The following METTL5 variants were observed in gnomAD, a reference collection of about 807,000 sequenced individuals.
METTL5 encodes methyltransferase 5, N6-adenosine, also known as rRNA N(6)-adenosine-methyltransferase METTL5.
In METTL5, 28 loss-of-function variants were observed where a neutral mutation model predicts 26.5. The observed-to-expected ratio is 1.06, with a 90% confidence interval of 0.78 to 1.45. The LOEUF (loss-of-function observed/expected upper bound fraction) is 1.45, where lower values mean the gene tolerates loss of function less well. METTL5 is among the 40% of genes most tolerant of loss of function. METTL5 has a pLI of 0.00. For missense variants in METTL5, 231 were observed against 249.9 expected (o/e 0.92, Z 0.51); for synonymous variants, 86 against 82.6 (o/e 1.04, Z -0.22).
intron 1 of METTL5, among the ~76,000 whole-genome samples, chr2:169,823,237 A>G (rs57156146): frequency 0.023 from 3,502 of 152,034 alleles, 127 homozygotes; most frequent in African/African-American, 0.079. Context: ...TTGGCCTCCC[A>G]AAGTGCTGGG....
intron 4 of METTL5, among the ~76,000 whole-genome samples, chr2:169,816,608 A>C (rs1269171785): frequency 6.6e-6 from 1 of 152,196 alleles, no homozygotes; most frequent in African/African-American, 2.4e-5. Flanking sequence ...TATATAGACC[A>C]ATGGAACAGA....
intron 5 of METTL5, chr2:169,813,127 CTT>C (rs34915689): frequency 3.4e-3 from 450 of 132,180 alleles, no homozygotes; most frequent in East Asian, 4.4e-3. Flanking sequence ...GTCTGAAATT[CTT>C]TTTTTTTTTT....
chr2:169,813,112 G>A lies in METTL5; in HGVS notation c.542-606C>T, dbSNP rs189760491. ...GCAGATTCTAGTTCAGTAGGTCTGG[G>A]TGGAGTCTGAAATTCTTTTTTTTTT... On this transcript the variant is annotated intron_variant, in intron 5 of 6. Transcript: ENST00000260953. The A allele has an allele frequency of 1.2e-3, 184 of 148,742 alleles. 2 individuals are homozygous for A. Among genetic ancestry groups the A allele is most frequent in the Admixed American group, 2.5e-3 (35 of 14,228 alleles). The allele number at this position is 148,742 out of a possible 1,614,324, so 9.2% of individuals were successfully genotyped here.
intron 2 of METTL5, 97 bp from the exon 3 acceptor site, chr2:169,821,370 T>G (rs2081582610): frequency 5.8e-6 from 5 of 862,476 alleles, no homozygotes; most frequent in Non-Finnish European, 8.8e-6. Context: ...CATATATCTT[T>G]TTAACCCAAT....
intron 4 of METTL5, among the ~76,000 whole-genome samples, chr2:169,818,448 C>CA (rs2081539719): frequency 6.6e-6 from 1 of 152,162 alleles, no homozygotes; most frequent in South Asian, 2.1e-4. Flanking sequence ...ATCATCAAAC[C>CA]TGAGGGTGTT....
At chr2:169,817,425 G>A (rs576098629) in intron 4 of METTL5, among the ~76,000 whole-genome samples, 1 of 152,254 alleles carries the variant, frequency 6.6e-6, no homozygotes, top group South Asian at 2.1e-4. Context: ...GCCATCCCAT[G>A]ACTGGGTATA....
chr2:169,812,752 TAA>T, intron 5 of METTL5: 1 of 376,184 alleles, frequency 2.7e-6, no homozygotes, highest in East Asian at 4.8e-5. Context: ...TTTAGAAGGA[TAA>T]ACAGTGGACG....
chr2:169,813,667 C>T (rs554780920), intron 5 of METTL5, among the ~76,000 whole-genome samples: 2 of 151,244 alleles, frequency 1.3e-5, no homozygotes, highest in South Asian at 4.2e-4. Context: ...CCAGCCTGAC[C>T]AACATTGTGA....
chr2:169,822,091 A>G, intron 1 of METTL5, 34 bp from the exon 2 acceptor site: 1 of 1,573,142 alleles, frequency 6.4e-7, no homozygotes, highest in Non-Finnish European at 8.6e-7. Context: ...TAAGTAAGCA[A>G]GCCGGTGACT....
Position 169,821,928 on chromosome 2 carries a change from T to C in METTL5, c.224+15A>G, listed in dbSNP as rs373534468. On this transcript the variant is annotated intron_variant, in intron 2 of 6. Coordinates refer to ENST00000260953, the MANE Select transcript of METTL5 (RefSeq NM_014168.4). Reference sequence around the variant, plus strand: ...AGCCACCCAATACCCAAATAGCATATATTGCATTACGTACCCTGCTCCTAA... The same window carrying C: ...AGCCACCCAATACCCAAATAGCATACATTGCATTACGTACCCTGCTCCTAA... 2.5e-6 allele frequency: 4 copies of C among 1,610,144 alleles called. No homozygotes were observed. In the African/African-American group the frequency reaches 5.4e-5, roughly 22 times the overall value.
intron 2 of METTL5, 86 bp downstream of exon 2, chr2:169,821,857 G>T: frequency 8.2e-7 from 1 of 1,216,904 alleles, no homozygotes. Flanking sequence ...ATTCTGTGGA[G>T]TCTCATAAAT....
intron 3 of METTL5, 75 bp from the exon 4 acceptor site, chr2:169,819,718 A>G: frequency 1.0e-6 from 1 of 968,702 alleles, no homozygotes; most frequent in Non-Finnish European, 1.6e-6. Flanking sequence ...ATTTAGAAAT[A>G]TTTTCTTCCA....
intron 2 of METTL5, 98 bp from the exon 3 acceptor site, chr2:169,821,371 T>C: frequency 3.5e-6 from 3 of 859,920 alleles, no homozygotes; most frequent in Non-Finnish European, 5.3e-6. Flanking sequence ...ATATATCTTT[T>C]TAACCCAATT....
At position 169,820,653 on chromosome 2, in the gene METTL5, T is replaced by C. The variant is rs375568446; in HGVS notation, c.406+439A>G. On this transcript the variant is annotated intron_variant, in intron 3 of 6. Transcript: ENST00000260953. ...GAAGAGTAATAACATCACTTAGCCTTGGTTTATTTAATGAAGAGTGATAAA... is the reference window on the plus strand; with the variant it reads ...GAAGAGTAATAACATCACTTAGCCTCGGTTTATTTAATGAAGAGTGATAAA... Among the ~76,000 whole-genome samples the C allele has an allele frequency of 2.2e-4, 34 of 152,348 alleles. No homozygotes were observed. The South Asian group carries it at 7.0e-3, about 32-fold the overall frequency.
chr2:169,824,477 C>T lies in METTL5; in HGVS notation c.109+12G>A. ...CGCCGAAAGCCGGGGCGTGGTGAAC[C>T]AGCCGCCCTACCTGCAATGTGCGGC... is the stretch of plus-strand genomic sequence containing the variant. On this transcript the variant is annotated intron_variant, in intron 1 of 6. Coordinates refer to ENST00000260953, the MANE Select transcript of METTL5 (RefSeq NM_014168.4). 5 of 1,603,984 alleles carry T rather than the reference C, an allele frequency of 3.1e-6. No individual in the cohort carries two copies. The highest frequency in any genetic ancestry group is 4.3e-6 in the Non-Finnish European group (5 of 1,170,814).
intron 5 of METTL5, 66 bp downstream of exon 5, chr2:169,815,411 A>G (rs2081491810): frequency 1.8e-6 from 2 of 1,126,022 alleles, no homozygotes; most frequent in Non-Finnish European, 2.6e-6. Context: ...CAGCACCTGC[A>G]TGAAAATTTT....
chr2:169,824,871 T>C lies in METTL5; in HGVS notation c.-274A>G, dbSNP rs1033288184. 5 of 242,296 alleles carry C rather than the reference T, an allele frequency of 2.1e-5. No individual in the cohort carries two copies. Among genetic ancestry groups the C allele is most frequent in the East Asian group, 8.6e-5 (1 of 11,608 alleles). The allele number at this position is 242,296 out of a possible 1,614,324, so 15.0% of individuals were successfully genotyped here. A position where few individuals can be genotyped will look rare whatever the true frequency, so the allele number is the denominator to read the frequency against. On this transcript the variant is annotated 5_prime_UTR_variant, in exon 1 of 7. Coordinates refer to ENST00000260953, the MANE Select transcript of METTL5 (RefSeq NM_014168.4). ...CCCTCGCGCCACGACCACGCACCTCTGGAGGCGACCCGCACCTCGGCCGGT... is the reference window on the plus strand; with the variant it reads ...CCCTCGCGCCACGACCACGCACCTCCGGAGGCGACCCGCACCTCGGCCGGT...
chr2:169,821,397 A>T, intron 2 of METTL5, 124 bp from the exon 3 acceptor site: 1 of 682,392 alleles, frequency 1.5e-6, no homozygotes, highest in Non-Finnish European at 2.4e-6. Context: ...AGTAAGAGTG[A>T]GTGTTTTCTT....
chr2:169,821,321 G>T, intron 2 of METTL5, 48 bp from the exon 3 acceptor site: 1 of 1,354,436 alleles, frequency 7.4e-7, no homozygotes, highest in Non-Finnish European at 9.7e-7. Context: ...TAGCTCCCAA[G>T]TAAAAACAAA....
Sources: allele counts gnomAD v4.1 joint callset (sites outside exome capture counted in the v4.1 genomes callset), GRCh38; gene constraint gnomAD v4.1.1; transcripts MANE v1.5; gene names NCBI Gene and HGNC (gene_info 2026-07-23, HGNC 2026-07-21).